TTLL11: variants seen among roughly 807,000 people sequenced by gnomAD.
TTLL11 encodes the protein tubulin polyglutamylase TTLL11.
Under a neutral mutation model 51.7 loss-of-function variants are expected in TTLL11, and 42 were observed. The ratio of observed to expected loss-of-function variants is 0.81; its 90% CI spans 0.64 to 1.05. The LOEUF is 1.05. TTLL11 is among the 50% of genes least tolerant of loss of function. The pLI, the probability that TTLL11 is intolerant of heterozygous loss-of-function variation, is 0.00. For synonymous variants in TTLL11, 381 were observed against 383.5 expected, an observed-to-expected ratio of 0.99 and a Z score of 0.08; for missense variants, 799 against 940.4, an observed-to-expected ratio of 0.85 and a Z score of 1.97.
chr9:121,949,314 T>A (rs1221126671), intron 6 of TTLL11, among the ~76,000 whole-genome samples: 1 of 152,138 alleles, frequency 6.6e-6, no homozygotes, highest in Non-Finnish European at 1.5e-5. Flanking sequence ...GGAAAATCAT[T>A]GATTCATTAA....
intron 6 of TTLL11, among the ~76,000 whole-genome samples, chr9:121,955,832 C>G (rs544013694): frequency 4.3e-4 from 65 of 152,168 alleles, no homozygotes; most frequent in Non-Finnish European, 7.9e-4. Context: ...ACTCTGCTAC[C>G]AAATTTTCTG....
At chr9:122,063,734 C>T (rs1427427427) in intron 1 of TTLL11, among the ~76,000 whole-genome samples, 1 of 152,174 alleles carries the variant, frequency 6.6e-6, no homozygotes, top group Non-Finnish European at 1.5e-5. Context: ...AATATGATGG[C>T]CAACCAATTC....
At chr9:121,889,170 G>A (rs1237156122) in intron 6 of TTLL11, among the ~76,000 whole-genome samples, 2 of 151,962 alleles carry the variant, frequency 1.3e-5, no homozygotes, top group African/African-American at 2.4e-5. Context: ...CTTTACAGAC[G>A]GGGAAAAATA....
intron 8 of TTLL11, among the ~76,000 whole-genome samples, chr9:121,854,642 G>A (rs181695153): frequency 6.6e-6 from 1 of 152,286 alleles, no homozygotes; most frequent in East Asian, 1.9e-4. Context: ...CCATGATTTT[G>A]CCTTTAATTG....
At chr9:121,922,552 C>T (rs969006819) in intron 6 of TTLL11, among the ~76,000 whole-genome samples, 2 of 152,148 alleles carry the variant, frequency 1.3e-5, no homozygotes, top group East Asian at 1.9e-4. Flanking sequence ...GTAGAAAGAT[C>T]GCATTTGCTA....
At chr9:122,048,706 T>C (rs1845081371) in intron 1 of TTLL11, among the ~76,000 whole-genome samples, 1 of 152,198 alleles carries the variant, frequency 6.6e-6, no homozygotes, top group Non-Finnish European at 1.5e-5. Context: ...TATTATTTAG[T>C]GGCCTGGGTT....
chr9:122,011,804 A>C (rs1843798975), intron 3 of TTLL11, among the ~76,000 whole-genome samples: 1 of 152,210 alleles, frequency 6.6e-6, no homozygotes, highest in Non-Finnish European at 1.5e-5. Context: ...AGCTAAAAGA[A>C]AAAGAAGGGA....
intron 4 of TTLL11, among the ~76,000 whole-genome samples, chr9:121,985,231 T>C (rs893125614): frequency 1.3e-5 from 2 of 152,242 alleles, no homozygotes; most frequent in Non-Finnish European, 2.9e-5. Flanking sequence ...TCATGTGTTC[T>C]ATCTGCACGG....
chr9:122,084,929 C>T (rs1319640840), intron 1 of TTLL11, among the ~76,000 whole-genome samples: 2 of 152,260 alleles, frequency 1.3e-5, no homozygotes, highest in East Asian at 1.9e-4. Context: ...ACGGCTAAAA[C>T]GAGTTTCCCG....
At chr9:121,980,230 A>G (rs1456426872) in intron 4 of TTLL11, among the ~76,000 whole-genome samples, 1 of 152,120 alleles carries the variant, frequency 6.6e-6, no homozygotes, top group Admixed American at 6.6e-5. Flanking sequence ...TTTATTGAAA[A>G]AGATAAATTC....
intron 6 of TTLL11, among the ~76,000 whole-genome samples, chr9:121,877,973 C>T (rs1012513911): frequency 2.6e-5 from 4 of 152,094 alleles, no homozygotes; most frequent in Admixed American, 6.5e-5. Context: ...AAGAATCCTA[C>T]GAATTAGGTA....
chr9:122,061,017 TCC>T (rs1845420633), intron 1 of TTLL11, among the ~76,000 whole-genome samples: 1 of 152,164 alleles, frequency 6.6e-6, no homozygotes, highest in South Asian at 2.1e-4. Flanking sequence ...AGGGTTGATT[TCC>T]TCTGAAGACT....
intron 6 of TTLL11, among the ~76,000 whole-genome samples, chr9:121,914,255 G>A (rs978841298): frequency 6.6e-6 from 1 of 152,188 alleles, no homozygotes; most frequent in Non-Finnish European, 1.5e-5. Flanking sequence ...CCAATGTCAC[G>A]CAGCAACAGT....
chr9:121,874,308 A>G (rs979159039), intron 6 of TTLL11, among the ~76,000 whole-genome samples: 1 of 152,176 alleles, frequency 6.6e-6, no homozygotes, highest in Non-Finnish European at 1.5e-5. Context: ...CCACCACCCC[A>G]TTATTCAAAT....
In TTLL11 at chr9:121,820,683, G is replaced by A. The variant is rs1326994307; in HGVS notation, c.*1904C>T. 2.0e-5 allele frequency among the ~76,000 whole-genome samples: 3 copies of A among 151,940 alleles called. No individual in the cohort carries two copies. Among genetic ancestry groups the A allele is most frequent in the African/African-American group, 7.3e-5 (3 of 41,374 alleles). On this transcript the variant is annotated 3_prime_UTR_variant, in exon 9 of 9. Transcript: ENST00000321582. ...CATCTGAAAGGGGAGCAGCATTACA[G>A]ACCTGCCCTACTACCTGGGGAACTG...
chr9:122,023,224 A>G (rs1844227996), intron 3 of TTLL11, among the ~76,000 whole-genome samples: 1 of 152,028 alleles, frequency 6.6e-6, no homozygotes, highest in African/African-American at 2.4e-5. Flanking sequence ...AAATTTCTTG[A>G]AAACAAACTA....
chr9:121,915,384 C>G (rs1267570671), intron 6 of TTLL11, among the ~76,000 whole-genome samples: 3 of 152,214 alleles, frequency 2.0e-5, no homozygotes, highest in Non-Finnish European at 4.4e-5. Flanking sequence ...ACAGCTGTTA[C>G]AAGAACATGT....
intron 8 of TTLL11, among the ~76,000 whole-genome samples, chr9:121,838,384 T>C (rs113766445): frequency 0.013 from 1,992 of 152,236 alleles, 53 homozygotes; most frequent in African/African-American, 0.046. Flanking sequence ...CTGTTTCCAC[T>C]ATTGCCCCTT....
At chr9:121,859,391 C>T (rs1036868123) in intron 8 of TTLL11, among the ~76,000 whole-genome samples, 3 of 151,734 alleles carry the variant, frequency 2.0e-5, no homozygotes, top group Non-Finnish European at 4.4e-5. Context: ...ATCCCAGATA[C>T]TTGGGAGGCT....
Sources: allele counts gnomAD v4.1 joint callset (sites outside exome capture counted in the v4.1 genomes callset), GRCh38; gene constraint gnomAD v4.1.1; transcripts MANE v1.5; gene names NCBI Gene and HGNC (gene_info 2026-07-23, HGNC 2026-07-21).